KCNH7: variants seen among roughly 807,000 people sequenced by gnomAD.
KCNH7 encodes voltage-gated inwardly rectifying potassium channel KCNH7.
KCNH7 carries 49 observed loss-of-function variants against 120.8 expected under a neutral mutation model. The ratio of observed to expected loss-of-function variants is 0.41; its 90% CI spans 0.32 to 0.51. KCNH7 has a LOEUF of 0.51. Among genes scored for constraint, KCNH7 ranks in the 20% least tolerant of loss-of-function variants. The pLI is 0.38. For missense variants in KCNH7, 1,097 were observed against 1,446.6 expected, an observed-to-expected ratio of 0.76 and a Z score of 3.92; for synonymous variants, 547 against 516.1, an observed-to-expected ratio of 1.06 and a Z score of -0.81.
chr2:162,446,035 C>G lies in KCNH7; in HGVS notation c.1537G>C (p.Gly513Arg), dbSNP rs1688565458. The change falls in exon 7 of 16, where the codon GGA becomes CGA. Residue 513 changes from glycine (G) to arginine (R), a missense_variant. This residue lies in a region of KCNH7 where 109 missense variants were observed against 196.8 expected (regional missense o/e 0.55). Coordinates refer to ENST00000332142, the MANE Select transcript of KCNH7 (RefSeq NM_033272.4). Reference sequence around the variant, plus strand: ...GTTCTTACCTCATCAGAACCTGATCCAAAAATCAGCAAGTCAAAAGGAATT... The same window carrying G: ...GTTCTTACCTCATCAGAACCTGATCGAAAAATCAGCAAGTCAAAAGGAATT... The part of the protein sequence containing the change: ...AAIPFDLLIF[G>R]SGSDETTTLI... The G allele has an allele frequency of 6.2e-7, 1 of 1,612,948 alleles. No individual in the cohort carries two copies. Among genetic ancestry groups the G allele is most frequent in the Non-Finnish European group, 8.5e-7 (1 of 1,179,506 alleles).
chr2:162,599,644 T>G (rs1283085801), intron 2 of KCNH7, among the ~76,000 whole-genome samples: 1 of 152,012 alleles, frequency 6.6e-6, no homozygotes, highest in East Asian at 1.9e-4. Flanking sequence ...TGGTCTCTTT[T>G]TTTTTTACGG....
At chr2:162,734,630 CA>C (rs1165827279) in intron 2 of KCNH7, among the ~76,000 whole-genome samples, 1 of 151,948 alleles carries the variant, frequency 6.6e-6, no homozygotes, top group Non-Finnish European at 1.5e-5. Flanking sequence ...GATTTTTAAA[CA>C]AAAATTGAGT....
intron 6 of KCNH7, among the ~76,000 whole-genome samples, chr2:162,503,746 G>A (rs906783073): frequency 5.3e-5 from 8 of 152,106 alleles, no homozygotes; most frequent in South Asian, 2.1e-4. Flanking sequence ...TAAAAGAACC[G>A]CTTGCTTGAC....
chr2:162,553,505 G>C (rs1055955159), intron 2 of KCNH7, among the ~76,000 whole-genome samples: 1 of 151,890 alleles, frequency 6.6e-6, no homozygotes, highest in Non-Finnish European at 1.5e-5. Context: ...AAAAATTAGC[G>C]GGGTGTGGTG....
chr2:162,824,834 G>A (rs1685228878), intron 2 of KCNH7, among the ~76,000 whole-genome samples: 1 of 151,574 alleles, frequency 6.6e-6, no homozygotes, highest in African/African-American at 2.4e-5. Context: ...TTGCATCTCA[G>A]CAAAACTATA....
intron 2 of KCNH7, among the ~76,000 whole-genome samples, chr2:162,650,535 C>T (rs1684528563): frequency 6.6e-6 from 1 of 152,126 alleles, no homozygotes; most frequent in Non-Finnish European, 1.5e-5. Flanking sequence ...TTCCTTTCCT[C>T]TTCATTGGAT....
chr2:162,838,358 G>C, intron 1 of KCNH7, 85 bp downstream of exon 1: 1 of 1,130,956 alleles, frequency 8.8e-7, no homozygotes, highest in Non-Finnish European at 1.3e-6. Flanking sequence ...TGGAGTTGCC[G>C]GTCTCCCCAC....
intron 2 of KCNH7, among the ~76,000 whole-genome samples, chr2:162,761,775 G>C (rs1236300530): frequency 6.6e-6 from 1 of 152,090 alleles, no homozygotes; most frequent in Non-Finnish European, 1.5e-5. Context: ...ATCATACAAA[G>C]AGAAGCACAG....
chr2:162,786,916 GA>G (rs1683729932), intron 2 of KCNH7, among the ~76,000 whole-genome samples: 1 of 152,212 alleles, frequency 6.6e-6, no homozygotes, highest in African/African-American at 2.4e-5. Context: ...AGCGAAGCAC[GA>G]GAATAAGAAA....
chr2:162,586,618 T>C (rs1352231671), intron 2 of KCNH7, among the ~76,000 whole-genome samples: 1 of 151,912 alleles, frequency 6.6e-6, no homozygotes, highest in Non-Finnish European at 1.5e-5. Flanking sequence ...AAATGCCTGA[T>C]TAACTGATGC....
chr2:162,405,869 T>C (rs1687199140), intron 9 of KCNH7, among the ~76,000 whole-genome samples: 1 of 151,944 alleles, frequency 6.6e-6, no homozygotes, highest in Non-Finnish European at 1.5e-5. Flanking sequence ...ATTAAAGAAA[T>C]ATGTCCTAGG....
chr2:162,586,622 C>T (rs1694029800), intron 2 of KCNH7, among the ~76,000 whole-genome samples: 1 of 150,452 alleles, frequency 6.6e-6, no homozygotes, highest in South Asian at 2.1e-4. Flanking sequence ...GCCTGATTAA[C>T]TGATGCAGTA....
At chr2:162,591,212 A>G (rs751459564) in intron 2 of KCNH7, among the ~76,000 whole-genome samples, 2 of 152,052 alleles carry the variant, frequency 1.3e-5, no homozygotes, top group Non-Finnish European at 2.9e-5. Flanking sequence ...TTTATTATCT[A>G]TACCACATTT....
intron 2 of KCNH7, among the ~76,000 whole-genome samples, chr2:162,727,063 CA>C (rs1441666820): frequency 6.6e-6 from 1 of 152,114 alleles, no homozygotes; most frequent in Admixed American, 6.5e-5. Flanking sequence ...TGCATTCATA[CA>C]GATACTTTTT....
chr2:162,628,059 CTATT>C (rs1324803919), intron 2 of KCNH7, among the ~76,000 whole-genome samples: 1 of 152,062 alleles, frequency 6.6e-6, no homozygotes, highest in East Asian at 1.9e-4. Context: ...ATGTGTGTAT[CTATT>C]TATCTAGATA....
intron 2 of KCNH7, among the ~76,000 whole-genome samples, chr2:162,761,793 A>T (rs17731478): frequency 0.047 from 7,154 of 152,162 alleles, 214 homozygotes; most frequent in Non-Finnish European, 0.069. Flanking sequence ...CAGATGAGGG[A>T]TTCGATAAGA....
At chr2:162,465,232 G>A (rs192177729) in intron 6 of KCNH7, among the ~76,000 whole-genome samples, 30 of 152,214 alleles carry the variant, frequency 2.0e-4, no homozygotes, top group Admixed American at 1.8e-3. Flanking sequence ...AAATAAGTGG[G>A]TTGAGCTAAG....
chr2:162,484,286 TATATAAAGCCACATA>T (rs779953865), intron 6 of KCNH7, among the ~76,000 whole-genome samples: 13 of 151,180 alleles, frequency 8.6e-5, no homozygotes, highest in Non-Finnish European at 1.9e-4. Context: ...AGAAAGCCAA[TATATAAAGCCACATA>T]AAATGAAGCG....
Position 162,568,374 on chromosome 2 carries a change from G to C in KCNH7, c.308-31294C>G, listed in dbSNP as rs140088260. 5.7e-3 allele frequency among the ~76,000 whole-genome samples: 862 copies of C among 152,124 alleles called. 9 individuals are homozygous for C. The highest frequency in any genetic ancestry group is 0.02 in the African/African-American group (813 of 41,532). ...TGTAATGTAAGAGCGACACCATACA[G>C]CTTAGGTGTATAGTAGGCTGTACCT... On this transcript the variant is annotated intron_variant, in intron 2 of 15. Coordinates refer to ENST00000332142, the MANE Select transcript of KCNH7 (RefSeq NM_033272.4).
Sources: allele counts gnomAD v4.1 joint callset (sites outside exome capture counted in the v4.1 genomes callset), GRCh38; gene constraint gnomAD v4.1.1; regional missense constraint gnomAD v4.1.1; transcripts MANE v1.5; gene names NCBI Gene and HGNC (gene_info 2026-07-23, HGNC 2026-07-21).